ITIH2: variants seen among roughly 807,000 people sequenced by gnomAD.
ITIH2 encodes the protein inter-alpha-trypsin inhibitor heavy chain H2.
Under a neutral mutation model 104.4 loss-of-function variants are expected in ITIH2, and 103 were observed. That is an observed-to-expected ratio of 0.99 (90% CI 0.84 to 1.16). The LOEUF (loss-of-function observed/expected upper bound fraction) is 1.16, where lower values mean the gene tolerates loss of function less well. Ranked by LOEUF, ITIH2 falls within the 50% of genes most tolerant of loss-of-function variation. The probability of loss-of-function intolerance (pLI) is 0.00; values close to 1 mark genes in which losing one functional copy is unlikely to be tolerated. For synonymous variants in ITIH2, 436 were observed against 435.4 expected, an observed-to-expected ratio of 1.00 and a Z score of -0.02; for missense variants, 1,108 against 1,162.4, an observed-to-expected ratio of 0.95 and a Z score of 0.68.
At chr10:7,746,328 T>G (rs1458109897) in intron 19 of ITIH2, among the ~76,000 whole-genome samples, 1 of 151,530 alleles carries the variant, frequency 6.6e-6, no homozygotes, top group South Asian at 2.1e-4. Flanking sequence ...TGAGCCGAGA[T>G]AGCACCACTG....
chr10:7,727,477 C>T (rs1834961227), intron 10 of ITIH2, among the ~76,000 whole-genome samples: 1 of 152,130 alleles, frequency 6.6e-6, no homozygotes, highest in Non-Finnish European at 1.5e-5. Flanking sequence ...TTTGAAAGGG[C>T]TAGTTCATCT....
In ITIH2 at chr10:7,709,192, G is replaced by T. The variant is rs151229507; in HGVS notation, c.362+1G>T. ...GAGCATTCATTTCCAACTTCTCCAT[G>T]TGAGTAACTTCTGTGTAGAGCCAGA... On this transcript the variant is annotated splice_donor_variant, in intron 4 of 20. Coordinates refer to ENST00000358415, the MANE Select transcript of ITIH2 (RefSeq NM_002216.3). LOFTEE classifies it high-confidence loss of function. 6.2e-7 allele frequency: 1 copy of T among 1,613,646 alleles called. No individual in the cohort carries two copies. The highest frequency in any genetic ancestry group is 1.1e-5 in the South Asian group (1 of 91,070).
chr10:7,732,005 A>G lies in ITIH2; in HGVS notation c.1647+9A>G. ...TTATCACGGCGACTTCGGTACTTCC[A>G]CTTATCCATTTATTCTATCTACTAA... On this transcript the variant is annotated intron_variant, in intron 13 of 20. Transcript: ENST00000358415. The G allele has an allele frequency of 6.2e-7, 1 of 1,605,978 alleles. No individual in the cohort carries two copies. Among genetic ancestry groups the G allele is most frequent in the South Asian group, 1.1e-5 (1 of 90,540 alleles).
rs1384725307 is a variant in ITIH2 at position 7,705,109 on chromosome 10, T to C, written c.86T>C (p.Phe29Ser). 1 of 1,600,706 alleles carries C rather than the reference T, an allele frequency of 6.2e-7. No homozygotes were observed. Among genetic ancestry groups the C allele is most frequent in the Non-Finnish European group, 8.5e-7 (1 of 1,173,426 alleles). Residue 29 changes from phenylalanine to serine, a missense_variant and splice_region_variant, in exon 2 of 21, where the codon TTT (phenylalanine) becomes TCT (serine). Physicochemically the swap from Phe to Ser is radical, Grantham distance 155 (BLOSUM62 -2). Transcript: ENST00000358415. ...FEIPINGLSE[F>S]VDYEDLVELA... is the part of the protein sequence containing the mutation. The stretch of plus-strand genomic sequence containing the variant: ...GTTAAAATCCTAATTTTTTTTAAGT[T>C]TGTAGACTATGAAGATCTTGTGGAA...
intron 4 of ITIH2, among the ~76,000 whole-genome samples, chr10:7,711,053 TG>T (rs530291658): frequency 5.3e-5 from 8 of 152,218 alleles, no homozygotes; most frequent in African/African-American, 1.4e-4. Context: ...AAGCCCCACA[TG>T]CGTTAGCTGT....
chr10:7,740,078 C>T (rs527524662), intron 16 of ITIH2, among the ~76,000 whole-genome samples: 3 of 152,094 alleles, frequency 2.0e-5, no homozygotes, highest in East Asian at 1.9e-4. Context: ...CCCAGCTACT[C>T]GGGAGGCTTA....
At chr10:7,720,351 A>G (rs1280229682) in intron 6 of ITIH2, among the ~76,000 whole-genome samples, 1 of 152,236 alleles carries the variant, frequency 6.6e-6, no homozygotes, top group African/African-American at 2.4e-5. Context: ...AATTTAAAAA[A>G]GAAAAAAATG....
chr10:7,731,987 G>C lies in ITIH2; in HGVS notation c.1638G>C (p.Thr546=), dbSNP rs150260189. 2.7e-4 allele frequency: 440 copies of C among 1,612,302 alleles called. No homozygotes were observed. Among genetic ancestry groups the C allele is most frequent in the Non-Finnish European group, 3.3e-4 (386 of 1,178,780 alleles). ...AKLDQIESVI[T]ATSANTQLVL... ...TGGATCAAATAGAGAGCGTTATCAC[G>C]GCGACTTCGGTACTTCCACTTATCC... Residue 546 remains threonine (T), a synonymous_variant, in exon 13 of 21, where the codon ACG becomes ACC. Coordinates refer to ENST00000358415, the MANE Select transcript of ITIH2 (RefSeq NM_002216.3).
intron 15 of ITIH2, among the ~76,000 whole-genome samples, chr10:7,736,764 T>C (rs1835059433): frequency 6.6e-6 from 1 of 152,158 alleles, no homozygotes; most frequent in African/African-American, 2.4e-5. Flanking sequence ...TATTTACGAA[T>C]GGATTGAAAG....
chr10:7,705,530 G>GCTCT (rs1297332002), intron 2 of ITIH2, among the ~76,000 whole-genome samples: 1 of 151,682 alleles, frequency 6.6e-6, no homozygotes, highest in Non-Finnish European at 1.5e-5. Flanking sequence ...ACATAGTGAG[G>GCTCT]CTCTACCTCT....
At chr10:7,728,780 A>G (rs561211639) in intron 11 of ITIH2, among the ~76,000 whole-genome samples, 53 of 152,126 alleles carry the variant, frequency 3.5e-4, no homozygotes, top group Non-Finnish European at 6.6e-4. Context: ...GCTGTCGTAC[A>G]GACTAGGACC....
At chr10:7,729,792 G>T in intron 11 of ITIH2, 160 bp from the exon 12 acceptor site, 1 of 523,298 alleles carries the variant, frequency 1.9e-6, no homozygotes. Flanking sequence ...CAACATGTAC[G>T]AGTGCATCTC....
intron 16 of ITIH2, among the ~76,000 whole-genome samples, chr10:7,739,918 G>C (rs934650382): frequency 6.6e-6 from 1 of 151,980 alleles, no homozygotes; most frequent in Admixed American, 6.6e-5. Flanking sequence ...GGGCACGGTG[G>C]CTTACGCCTG....
chr10:7,747,807 G>T (rs1455125494), intron 20 of ITIH2, among the ~76,000 whole-genome samples: 1 of 152,204 alleles, frequency 6.6e-6, no homozygotes, highest in African/African-American at 2.4e-5. Flanking sequence ...GCTGAGGTGG[G>T]AGGATCCGTT....
chr10:7,709,026 A>C lies in ITIH2; in HGVS notation c.197A>C (p.Glu66Ala). The C allele has an allele frequency of 4.3e-6, 7 of 1,613,628 alleles. No homozygotes were observed. Among genetic ancestry groups the C allele is most frequent in the Non-Finnish European group, 5.9e-6 (7 of 1,179,554 alleles). Residue 66 changes from glutamate to alanine, a missense_variant, in exon 4 of 21, where the codon GAG becomes GCG. Transcript: ENST00000358415. ...LPGESEEMME[E>A]VDQVTLYSYK... ...ATGCTTTCTTGCCAATTTCAGGAAG[A>C]GGTTGATCAAGTAACTCTTTATAGC...
rs1274712002 is a variant in ITIH2 at position 7,729,990 on chromosome 10, G to GAGA, written c.1320_1322dup (p.Glu440_Asn441insLys). 3.1e-6 allele frequency: 5 copies of GAGA among 1,609,302 alleles called. No homozygotes were observed. Among genetic ancestry groups the GAGA allele is most frequent in the Non-Finnish European group, 4.2e-6 (5 of 1,178,384 alleles). On this transcript the variant is annotated inframe_insertion, in exon 12 of 21. Transcript: ENST00000358415. ...GTCAAAAATTCAGAAAAACGTTAAGGAGAACATCCAAGACAATATCTCCTT... is the reference window on the plus strand; with the variant it reads ...GTCAAAAATTCAGAAAAACGTTAAGGAGAAGAACATCCAAGACAATATCTCCTT...
chr10:7,722,098 A>G (rs1174822994), intron 8 of ITIH2, among the ~76,000 whole-genome samples: 18 of 152,164 alleles, frequency 1.2e-4, no homozygotes, highest in Admixed American at 1.2e-3. Flanking sequence ...CAAAGAAAGC[A>G]CAGAGATTAC....
intron 1 of ITIH2, among the ~76,000 whole-genome samples, 181 bp from the exon 2 acceptor site, chr10:7,704,927 G>C (rs893356427): frequency 6.6e-6 from 1 of 151,124 alleles, no homozygotes; most frequent in African/African-American, 2.5e-5. Flanking sequence ...GTCAGGGGGT[G>C]GGGGGCTAGG....
At chr10:7,708,642 G>A (rs1482823515) in intron 3 of ITIH2, among the ~76,000 whole-genome samples, 3 of 152,026 alleles carry the variant, frequency 2.0e-5, no homozygotes, top group South Asian at 2.1e-4. Context: ...TTTCAACCTC[G>A]CAATCCAGTA....
Sources: gnomAD v4.1 joint callset for allele counts (sites outside exome capture counted in the v4.1 genomes callset) on GRCh38, gnomAD v4.1.1 for gene constraint, MANE v1.5 for transcripts, NCBI Gene and HGNC (gene_info 2026-07-23, HGNC 2026-07-21) for gene names.